Variants in CLDN2 observed in about 807,000 individuals in gnomAD.
The protein encoded by CLDN2 is claudin 2.
A neutral mutation model predicts 8.2 loss-of-function variants in CLDN2; 1 was observed. That is an observed-to-expected ratio of 0.12 (90% CI 0.04 to 0.58). The LOEUF (loss-of-function observed/expected upper bound fraction) is 0.58. CLDN2 is among the 20% of genes least tolerant of loss of function. The pLI is 0.90. For synonymous variants in CLDN2, 70 were observed against 70.2 expected (o/e 1.00, Z 0.01); for missense variants, 108 against 172.9 (o/e 0.62, Z 2.11).
Position 106,928,767 on chromosome X carries a change from T to C in CLDN2, c.539T>C (p.Ile180Thr), listed in dbSNP as rs1933505232. 1 of 1,209,587 alleles carries C rather than the reference T, an allele frequency of 8.3e-7. No individual in the cohort carries two copies. ...SSLFSLIAGIILCFSCSSQRN... is the reference protein window; with the variant it reads ...SSLFSLIAGITLCFSCSSQRN... ...CTGTTCTCCCTGATAGCTGGAATCA[T>C]CCTCTGCTTTTCCTGCTCATCCCAG... Residue 180 changes from isoleucine to threonine, a missense_variant, in exon 2 of 2, where the codon ATC (isoleucine) becomes ACC (threonine). This residue lies in a region of CLDN2 where 81 missense variants were observed against 100.8 expected (regional missense o/e 0.80). Coordinates refer to ENST00000336803, the MANE Select transcript of CLDN2 (RefSeq NM_020384.4).
At chrX:106,925,721 A>G (rs761852535) in intron 1 of CLDN2, among the ~76,000 whole-genome samples, 40 of 112,684 alleles carry the variant, frequency 3.5e-4, no homozygotes, top group Non-Finnish European at 6.0e-4. Context: ...AAAGAGAATG[A>G]TGAGGTCGTG....
intron 1 of CLDN2, among the ~76,000 whole-genome samples, chrX:106,907,884 C>T (rs1226463356): frequency 9.0e-6 from 1 of 111,313 alleles, no homozygotes; most frequent in African/African-American, 3.3e-5. Context: ...ATTAGTTTAT[C>T]TATGTCAGTC....
Position 106,930,485 on chromosome X carries a change from A to G in CLDN2, c.*1564A>G, listed in dbSNP as rs921252090. On this transcript the variant is annotated 3_prime_UTR_variant, in exon 2 of 2. Transcript: ENST00000336803. ...CAGAGAGGGCCCATCTGTTGTCTGT[A>G]ACATGCCTTTCACATGTCCACCTTC... 1.6e-5 allele frequency: 2 copies of G among 122,428 alleles called. No homozygotes were observed. Among genetic ancestry groups the G allele is most frequent in the African/African-American group, 6.6e-5 (2 of 30,469 alleles). The allele number at this position is 122,428 out of a possible 1,213,427, so 10.1% of individuals were successfully genotyped here.
intron 1 of CLDN2, among the ~76,000 whole-genome samples, chrX:106,905,866 GGT>G (rs1251632819): frequency 9.0e-6 from 1 of 111,402 alleles, no homozygotes; most frequent in Non-Finnish European, 1.9e-5. Context: ...CAGGCCTCAG[GGT>G]TCCACTTACA....
rs748262983 is a variant in CLDN2, at chrX:106,928,799, C to T, written c.571C>T (p.Arg191Cys). 6 of 1,211,163 alleles carry T rather than the reference C, an allele frequency of 5.0e-6. No homozygotes were observed. The highest frequency in any genetic ancestry group is 2.3e-4 in the Middle Eastern group (1 of 4,354). ...CTTTTCCTGCTCATCCCAGAGAAATCGCTCCAACTACTACGATGCCTACCA... is the reference window on the plus strand; with the variant it reads ...CTTTTCCTGCTCATCCCAGAGAAATTGCTCCAACTACTACGATGCCTACCA... ...LCFSCSSQRN[R>C]SNYYDAYQAQ... Residue 191 changes from arginine to cysteine, a missense_variant, in exon 2 of 2, where the codon CGC (arginine) becomes TGC (cysteine). Physicochemically the swap from Arg to Cys is radical, Grantham distance 180. Around this residue, in one of 2 missense-constraint regions of CLDN2, gnomAD observed 81 missense variants for 100.8 expected, o/e 0.80. Transcript: ENST00000336803.
upstream of CLDN2, among the ~76,000 whole-genome samples, chrX:106,919,181 T>G (rs1933354122): frequency 6.2e-5 from 7 of 112,111 alleles, no homozygotes. Flanking sequence ...TTACATAAAC[T>G]GTAGGTATAG....
At position 106,929,124 on chromosome X, in the gene CLDN2, G is replaced by A. The variant is rs754393914; in HGVS notation, c.*203G>A. ...GCAGGTTGAATTGCCAAGGATGCTCGCCATGCCAGCCTTTCTGTTTTCCTC... is the reference window on the plus strand; with the variant it reads ...GCAGGTTGAATTGCCAAGGATGCTCACCATGCCAGCCTTTCTGTTTTCCTC... On this transcript the variant is annotated 3_prime_UTR_variant, in exon 2 of 2. Coordinates refer to ENST00000336803, the MANE Select transcript of CLDN2 (RefSeq NM_020384.4). The A allele has an allele frequency of 5.6e-5, 24 of 430,882 alleles. No homozygotes were observed. The highest frequency in any genetic ancestry group is 4.7e-4 in the Admixed American group (11 of 23,639). The allele number at this position is 430,882 out of a possible 1,213,427, so 35.5% of individuals were successfully genotyped here. A position where few individuals can be genotyped will look rare whatever the true frequency, so the allele number is the denominator to read the frequency against.
At chrX:106,911,049 T>C (rs1273495265) in intron 1 of CLDN2, among the ~76,000 whole-genome samples, 1 of 112,092 alleles carries the variant, frequency 8.9e-6, no homozygotes, top group Non-Finnish European at 1.9e-5. Flanking sequence ...CCTCCATCAT[T>C]GCATACATTG....
At position 106,928,923 on chromosome X, in the gene CLDN2, G is replaced by A. The variant is rs758454165; in HGVS notation, c.*2G>A. Reference sequence around the variant, plus strand: ...TACAGCCTGACAGGGTATGTGTGAAGAACCAGGGGCCAGAGCTGGGGGGTG... The same window carrying A: ...TACAGCCTGACAGGGTATGTGTGAAAAACCAGGGGCCAGAGCTGGGGGGTG... On this transcript the variant is annotated 3_prime_UTR_variant, in exon 2 of 2. Coordinates refer to ENST00000336803, the MANE Select transcript of CLDN2 (RefSeq NM_020384.4). The A allele has an allele frequency of 2.5e-6, 3 of 1,204,508 alleles. No homozygotes were observed. Among genetic ancestry groups the A allele is most frequent in the East Asian group, 3.0e-5 (1 of 33,735 alleles).
chrX:106,905,713 A>G (rs1933169973), intron 1 of CLDN2, among the ~76,000 whole-genome samples: 1 of 110,861 alleles, frequency 9.0e-6, no homozygotes, highest in African/African-American at 3.3e-5. Flanking sequence ...GCTAAGAGGC[A>G]GATATTCCTC....
At position 106,929,064 on chromosome X, in the gene CLDN2, A is replaced by C. The variant is rs1469120360; in HGVS notation, c.*143A>C. On this transcript the variant is annotated 3_prime_UTR_variant, in exon 2 of 2. Transcript: ENST00000336803. ...TAGACTGACTTTGGCCATTGGATTG[A>C]GCAAAGGCAGAAATGGGGGCTAGTG... is the stretch of plus-strand genomic sequence containing the variant. 2.0e-6 allele frequency: 1 copy of C among 502,355 alleles called. No individual in the cohort carries two copies. The highest frequency in any genetic ancestry group is 2.4e-5 in the African/African-American group (1 of 41,379). The allele number at this position is 502,355 out of a possible 1,213,427, so 41.4% of individuals were successfully genotyped here.
intron 1 of CLDN2, among the ~76,000 whole-genome samples, chrX:106,925,765 G>C (rs1933457228): frequency 8.9e-6 from 1 of 112,537 alleles, no homozygotes; most frequent in Non-Finnish European, 1.9e-5. Context: ...CCAGCATTTT[G>C]GGAGGCTGAG....
chrX:106,913,802 T>G (rs972985743), upstream of CLDN2, among the ~76,000 whole-genome samples: 1 of 110,127 alleles, frequency 9.1e-6, no homozygotes, highest in Non-Finnish European at 1.9e-5. Flanking sequence ...CCCCCTGACT[T>G]GCTGACTGTC....
At chrX:106,901,544 C>T in intron 1 of CLDN2, 1 of 1,210,287 alleles carries the variant, frequency 8.3e-7, no homozygotes, top group Non-Finnish European at 1.1e-6. Flanking sequence ...GCAGCCTGTC[C>T]AAAGCAAAAG....
At chrX:106,919,742 C>T (rs1191144611), upstream of CLDN2, among the ~76,000 whole-genome samples, 1 of 112,751 alleles carries the variant, frequency 8.9e-6, no homozygotes, top group Non-Finnish European at 1.9e-5. Flanking sequence ...CCTCGGCCTC[C>T]CAAAGTGCTG....
intron 1 of CLDN2, chrX:106,900,740 A>G (rs1179024700): frequency 2.5e-5 from 30 of 1,200,829 alleles, no homozygotes; most frequent in Non-Finnish European, 3.3e-5. Flanking sequence ...GCCCCTTTTC[A>G]TTGGCCTCCT....
chrX:106,912,749 G>T (rs1228655095), intron 1 of CLDN2, among the ~76,000 whole-genome samples: 2 of 110,178 alleles, frequency 1.8e-5, no homozygotes, highest in Non-Finnish European at 3.8e-5. Flanking sequence ...TTCAAACTTG[G>T]GTGCTTGGCA....
chrX:106,900,848 C>G, intron 1 of CLDN2: 1 of 1,211,566 alleles, frequency 8.3e-7, no homozygotes. Context: ...GAAAGTTCTG[C>G]AGTAAAATCT....
At chrX:106,918,699 G>C (rs975309865), upstream of CLDN2, among the ~76,000 whole-genome samples, 1 of 112,116 alleles carries the variant, frequency 8.9e-6, no homozygotes, top group Non-Finnish European at 1.9e-5. Flanking sequence ...CTGGCACCTA[G>C]CAAGTGTTCA....
Sources: gnomAD v4.1 joint callset for allele counts (sites outside exome capture counted in the v4.1 genomes callset) on GRCh38, gnomAD v4.1.1 for gene constraint, gnomAD v4.1.1 regional missense constraint, MANE v1.5 for transcripts, NCBI Gene and HGNC (gene_info 2026-07-23, HGNC 2026-07-21) for gene names.